CIZ1: variants seen among roughly 807,000 people sequenced by gnomAD.
The protein encoded by CIZ1 is cip1-interacting zinc finger protein.
A neutral mutation model predicts 118.6 loss-of-function variants in CIZ1; 58 were observed. The ratio of observed to expected loss-of-function variants is 0.49; its 90% CI spans 0.40 to 0.61. The LOEUF (loss-of-function observed/expected upper bound fraction) is 0.61, where lower values mean the gene tolerates loss of function less well. Among genes scored for constraint, CIZ1 ranks in the 20% least tolerant of loss-of-function variants. The pLI is 0.00. For synonymous variants in CIZ1, 448 were observed against 443.4 expected, an observed-to-expected ratio of 1.01 and a Z score of -0.13; for missense variants, 921 against 1,115.9, an observed-to-expected ratio of 0.83 and a Z score of 2.49.
intron 4 of CIZ1, among the ~76,000 whole-genome samples, chr9:128,187,089 G>A (rs1832475229): frequency 6.6e-6 from 1 of 151,914 alleles, no homozygotes; most frequent in South Asian, 2.1e-4. Flanking sequence ...ACAGACGCCC[G>A]CCACCACACC....
At chr9:128,188,807 T>C (rs1219511216) in intron 3 of CIZ1, among the ~76,000 whole-genome samples, 1 of 151,694 alleles carries the variant, frequency 6.6e-6, no homozygotes. Flanking sequence ...CAATTTTTTT[T>C]TTCTTTTTTT....
intron 11 of CIZ1, among the ~76,000 whole-genome samples, chr9:128,172,442 A>G (rs573213567): frequency 4.9e-4 from 74 of 152,136 alleles, no homozygotes; most frequent in Non-Finnish European, 1.0e-3. Flanking sequence ...GCAGTGAGCC[A>G]AGATTGCGCC....
rs915151618 is a variant in CIZ1 at position 128,203,379 on chromosome 9, A to T, written c.-6+807T>A. The T allele has an allele frequency of 2.8e-5, 34 of 1,217,878 alleles. No homozygotes were observed. Among genetic ancestry groups the T allele is most frequent in the Non-Finnish European group, 3.3e-5 (32 of 963,398 alleles). 75.4% of individuals were successfully genotyped at this position (1,217,878 alleles called of 1,614,324 possible). A position where few individuals can be genotyped will look rare whatever the true frequency, so the allele number is the denominator to read the frequency against. On this transcript the variant is annotated intron_variant, in intron 1 of 17. Coordinates refer to the CIZ1 transcript ENST00000372948. The surrounding 1 kb of genome is among the most constrained non-coding windows in gnomAD (Gnocchi z 5.3). The stretch of plus-strand genomic sequence containing the variant: ...GGGGCGGGGGCCCCGCGGCGCAGGC[A>T]GTCTGGGCGCGCGGCTGCAGCGGCG...
intron 14 of CIZ1, among the ~76,000 whole-genome samples, chr9:128,168,148 C>A (rs767668557): frequency 3.9e-5 from 6 of 152,220 alleles, no homozygotes; most frequent in Non-Finnish European, 7.3e-5. Context: ...AAGGACCAGG[C>A]CTTGGCCCTC....
chr9:128,173,927 A>G (rs940893403), intron 11 of CIZ1, among the ~76,000 whole-genome samples: 5 of 151,986 alleles, frequency 3.3e-5, no homozygotes, highest in African/African-American at 4.8e-5. Flanking sequence ...AATGGCGTGA[A>G]CCCAGGAGGC....
intron 5 of CIZ1, among the ~76,000 whole-genome samples, chr9:128,184,829 G>A (rs769234598): frequency 2.6e-5 from 4 of 151,796 alleles, no homozygotes; most frequent in South Asian, 4.2e-4. Flanking sequence ...CACCATGCCC[G>A]GCTACTTTTT....
rs755311017 is a variant in CIZ1, at chr9:128,168,705, A to G, written c.2295+347T>C. ...ACACCTGGAACACACTAAGTGCTCAAAAAGATGTCTGCTGCTGTCAGTCTC... is the reference window on the plus strand; with the variant it reads ...ACACCTGGAACACACTAAGTGCTCAGAAAGATGTCTGCTGCTGTCAGTCTC... On this transcript the variant is annotated intron_variant, in intron 14 of 16. Coordinates refer to ENST00000372938, the MANE Select transcript of CIZ1 (RefSeq NM_001131016.2). 1.5e-4 allele frequency: 45 copies of G among 295,370 alleles called. No homozygotes were observed. In the Admixed American group the frequency reaches 1.5e-3, roughly 10 times the overall value. The allele number at this position is 295,370 out of a possible 1,614,324, so 18.3% of individuals were successfully genotyped here.
Position 128,191,244 on chromosome 9 carries a change from G to C in CIZ1, c.-6+188C>G, listed in dbSNP as rs988785385. 8.0e-6 allele frequency: 2 copies of C among 248,808 alleles called. No individual in the cohort carries two copies. The highest frequency in any genetic ancestry group is 1.0e-4 in the Admixed American group (2 of 20,014). The allele number at this position is 248,808 out of a possible 1,614,324, so 15.4% of individuals were successfully genotyped here. On this transcript the variant is annotated intron_variant, in intron 1 of 16. Transcript: ENST00000372938. This position sits in a 1 kb window ranked among gnomAD's most constrained non-coding sequence, Gnocchi z 5.5. Reference sequence around the variant, plus strand: ...ACCGCAACCCTCTCTGGGCCCCCGGGTGTCAATAACATCGGCACCCGTCCA... The same window carrying C: ...ACCGCAACCCTCTCTGGGCCCCCGGCTGTCAATAACATCGGCACCCGTCCA...
chr9:128,170,836 T>C (rs1830033987), intron 11 of CIZ1, among the ~76,000 whole-genome samples: 1 of 151,982 alleles, frequency 6.6e-6, no homozygotes, highest in Admixed American at 6.6e-5. Context: ...ATAAAAACCA[T>C]ATACTTTAAA....
intron 10 of CIZ1, 129 bp downstream of exon 10, chr9:128,177,437 A>T: frequency 1.6e-6 from 1 of 637,194 alleles, no homozygotes; most frequent in South Asian, 3.4e-5. Flanking sequence ...CAGGTCAGGA[A>T]ATGTTTCCCA....
Position 128,166,583 on chromosome 9 carries a change from C to A in CIZ1, c.2487+176G>T. ...CTAACAGCCTGGCACTCAGCATCCC[C>A]TTGAACAATAAGAGCCCAACCCCAC... On this transcript the variant is annotated intron_variant, in intron 16 of 16. Coordinates refer to ENST00000372938, the MANE Select transcript of CIZ1 (RefSeq NM_001131016.2). The surrounding 1 kb of genome is among the most constrained non-coding windows in gnomAD (Gnocchi z 4.4). 1 of 989,302 alleles carries A rather than the reference C, an allele frequency of 1.0e-6. No homozygotes were observed. The highest frequency in any genetic ancestry group is 1.5e-6 in the Non-Finnish European group (1 of 670,720). The allele number at this position is 989,302 out of a possible 1,614,324, so 61.3% of individuals were successfully genotyped here. A position where few individuals can be genotyped will look rare whatever the true frequency, so the allele number is the denominator to read the frequency against.
chr9:128,182,025 G>A (rs561268845), intron 5 of CIZ1, among the ~76,000 whole-genome samples: 94 of 152,326 alleles, frequency 6.2e-4, no homozygotes, highest in African/African-American at 1.8e-3. Context: ...AAATAATGGC[G>A]TAAGCTGTCT....
At chr9:128,192,745 G>T (rs1290138463), upstream of CIZ1, among the ~76,000 whole-genome samples, 1 of 152,196 alleles carries the variant, frequency 6.6e-6, no homozygotes, top group Non-Finnish European at 1.5e-5. Context: ...GCTTCACCAT[G>T]TTGGTCAGGC....
upstream of CIZ1, chr9:128,191,785 G>T (rs1169196215): frequency 1.4e-6 from 2 of 1,427,510 alleles, no homozygotes; most frequent in Non-Finnish European, 1.8e-6. The surrounding 1 kb of genome is among the most constrained non-coding windows in gnomAD (Gnocchi z 5.5). Context: ...ACCAAGGTCC[G>T]TCTGCCGCCC....
chr9:128,175,334 A>G (rs1305613342), intron 11 of CIZ1, among the ~76,000 whole-genome samples: 1 of 152,206 alleles, frequency 6.6e-6, no homozygotes, highest in African/African-American at 2.4e-5. Context: ...CTAATAGCAA[A>G]GAACGTCTTG....
chr9:128,200,943 G>A (rs1029386892), intron 1 of CIZ1, among the ~76,000 whole-genome samples: 15 of 152,014 alleles, frequency 9.9e-5, no homozygotes, highest in Admixed American at 9.8e-4. Context: ...AGACCATCCC[G>A]GCCGACATGG....
In CIZ1 at chr9:128,180,539, G is replaced by T. The variant is rs759484966; in HGVS notation, c.683-16C>A. ...AAATCTTGGTCTGGAATGGAGGCATGAGCGAGGGAACTCATGTTGGGAAGA... is the reference window on the plus strand; with the variant it reads ...AAATCTTGGTCTGGAATGGAGGCATTAGCGAGGGAACTCATGTTGGGAAGA... On this transcript the variant is annotated splice_polypyrimidine_tract_variant and intron_variant, in intron 6 of 16. Coordinates refer to ENST00000372938, the MANE Select transcript of CIZ1 (RefSeq NM_001131016.2). The T allele has an allele frequency of 1.2e-6, 2 of 1,602,364 alleles. No homozygotes were observed. Among genetic ancestry groups the T allele is most frequent in the South Asian group, 2.2e-5 (2 of 90,772 alleles).
In CIZ1 at chr9:128,185,589, C is replaced by T; in HGVS notation, c.546G>A (p.Gln182=). The T allele has an allele frequency of 4.6e-6, 7 of 1,522,568 alleles. No individual in the cohort carries two copies. Among genetic ancestry groups the T allele is most frequent in the Non-Finnish European group, 6.2e-6 (7 of 1,134,912 alleles). The allele number at this position is 1,522,568 out of a possible 1,614,324, so 94.3% of individuals were successfully genotyped here. The change falls in exon 5 of 17, where the codon CAG becomes CAA. Residue 182 remains glutamine, a synonymous_variant. Transcript: ENST00000372938. ...TAGAGGAGGAGGTCCGGGCCTGTTT[C>T]TGGGGGTTCCGTCCTGAAAGGTTGA... ...SQFNLSGRNP[Q]KQARTSSSTT... is the part of the protein sequence containing the mutation.
intron 1 of CIZ1, among the ~76,000 whole-genome samples, chr9:128,201,693 T>G (rs1471038081): frequency 1.3e-5 from 2 of 152,226 alleles, no homozygotes; most frequent in African/African-American, 4.8e-5. Flanking sequence ...TCCTCACAGC[T>G]GCAGCTTAAT....
Sources: gnomAD v4.1 joint callset for allele counts (sites outside exome capture counted in the v4.1 genomes callset) on GRCh38, gnomAD v4.1.1 for gene constraint, Gnocchi (gnomAD v3.1) non-coding constraint, MANE v1.5 for transcripts, NCBI Gene and HGNC (gene_info 2026-07-23, HGNC 2026-07-21) for gene names.